The following MAEL variants were observed in gnomAD, a reference collection of about 807,000 sequenced individuals.
MAEL encodes the protein protein maelstrom homolog.
A neutral mutation model predicts 62.0 loss-of-function variants in MAEL; 46 were observed. The ratio of observed to expected loss-of-function variants is 0.74; its 90% CI spans 0.59 to 0.95. MAEL has a LOEUF of 0.95. Ranked by LOEUF, MAEL falls within the 40% of genes least tolerant of loss-of-function variation. The pLI is 0.00. For missense variants in MAEL, 497 were observed against 526.8 expected, an observed-to-expected ratio of 0.94 and a Z score of 0.55; for synonymous variants, 172 against 175.5, an observed-to-expected ratio of 0.98 and a Z score of 0.16.
At chr1:167,006,753 A>G (rs1664930849) in intron 8 of MAEL, among the ~76,000 whole-genome samples, 2 of 150,354 alleles carry the variant, frequency 1.3e-5, no homozygotes, top group African/African-American at 4.9e-5. Flanking sequence ...CTCGTGCCTC[A>G]GCCTCTCGAG....
In MAEL at chr1:166,992,746, A is replaced by T; in HGVS notation, c.386A>T (p.His129Leu). 1 of 1,611,232 alleles carries T rather than the reference A, an allele frequency of 6.2e-7. No homozygotes were observed. Among genetic ancestry groups the T allele is most frequent in the South Asian group, 1.1e-5 (1 of 90,386 alleles). The change falls in exon 4 of 12, where the codon CAT becomes CTT. Residue 129 changes from histidine to leucine, a missense_variant. Physicochemically the swap from His to Leu is moderately conservative, Grantham distance 99 (BLOSUM62 -3). Transcript: ENST00000367872. ...NIFSHGELPPHCEQRFLPCEI... is the reference protein window; with the variant it reads ...NIFSHGELPPLCEQRFLPCEI... ...TTTAGCCATGGCGAGCTACCTCCTC[A>T]TTGTGAACAGCGCTTCCTCCCTTGT...
intron 2 of MAEL, 149 bp from the exon 3 acceptor site, chr1:166,991,228 GT>G: frequency 1.6e-6 from 1 of 610,004 alleles, no homozygotes; most frequent in Non-Finnish European, 3.0e-6. Flanking sequence ...GCCTTTGGGT[GT>G]TGGTATTATT....
rs750894558 is a variant in MAEL at position 167,016,371 on chromosome 1, G to A, written c.908+87G>A. 4.1e-5 allele frequency: 51 copies of A among 1,245,022 alleles called. No individual in the cohort carries two copies. In the Middle Eastern group the frequency reaches 5.7e-4, roughly 14 times the overall value. The allele number at this position is 1,245,022 out of a possible 1,614,324, so 77.1% of individuals were successfully genotyped here. A position where few individuals can be genotyped will look rare whatever the true frequency, so the allele number is the denominator to read the frequency against. ...TTTGCTTGCTATAGCTTTGGCAATC[G>A]GGGTAACTCTGTTTCCACAATGCTC... is the stretch of plus-strand genomic sequence containing the variant. On this transcript the variant is annotated intron_variant, in intron 9 of 11. Coordinates refer to ENST00000367872, the MANE Select transcript of MAEL (RefSeq NM_032858.3).
In MAEL at chr1:166,997,075, C is replaced by T. The variant is rs191489393; in HGVS notation, c.523+3006C>T. On this transcript the variant is annotated intron_variant, in intron 5 of 11. Coordinates refer to ENST00000367872, the MANE Select transcript of MAEL (RefSeq NM_032858.3). ...ACTCCTGACCTCATGATCTGCCCGC[C>T]TCGGTCTCCCAAAGTGCTGGGCTTA... is the stretch of plus-strand genomic sequence containing the variant. Among the ~76,000 whole-genome samples, 24 of 152,352 alleles carry T rather than the reference C, an allele frequency of 1.6e-4. No homozygotes were observed. In the East Asian group the frequency reaches 2.7e-3, roughly 17 times the overall value.
chr1:166,994,911 G>A (rs992147136), intron 5 of MAEL, among the ~76,000 whole-genome samples: 17 of 149,394 alleles, frequency 1.1e-4, no homozygotes, highest in Admixed American at 1.0e-3. Flanking sequence ...CTTGTGATCC[G>A]CCCACATCGG....
intron 2 of MAEL, 66 bp downstream of exon 2, chr1:166,989,895 G>A (rs2102067728): frequency 1.7e-6 from 2 of 1,178,314 alleles, no homozygotes; most frequent in South Asian, 1.4e-5. Flanking sequence ...AAGGCTGGAT[G>A]AGTGAATGAG....
At chr1:167,014,336 T>C (rs1665289552) in intron 8 of MAEL, among the ~76,000 whole-genome samples, 2 of 152,216 alleles carry the variant, frequency 1.3e-5, no homozygotes, top group African/African-American at 4.8e-5. Context: ...TTAGAATAGT[T>C]TTTCTTAGTC....
At chr1:166,995,429 G>A (rs1032690001) in intron 5 of MAEL, among the ~76,000 whole-genome samples, 5 of 151,942 alleles carry the variant, frequency 3.3e-5, no homozygotes, top group African/African-American at 1.2e-4. Flanking sequence ...TGTAGAGCGG[G>A]GGTTTCTCCA....
intron 4 of MAEL, among the ~76,000 whole-genome samples, chr1:166,993,756 T>C (rs1664291084): frequency 6.6e-6 from 1 of 152,196 alleles, no homozygotes; most frequent in Non-Finnish European, 1.5e-5. Context: ...GACGTGGAGC[T>C]AAGACTCTTT....
chr1:167,016,342 C>A, intron 9 of MAEL, 58 bp downstream of exon 9: 1 of 1,537,202 alleles, frequency 6.5e-7, no homozygotes, highest in Non-Finnish European at 9.0e-7. Flanking sequence ...TTATTCTGTG[C>A]CGTTTTGCTT....
intron 6 of MAEL, among the ~76,000 whole-genome samples, chr1:167,004,673 C>T (rs1407549186): frequency 6.6e-6 from 1 of 152,002 alleles, no homozygotes; most frequent in African/African-American, 2.4e-5. Context: ...TGTAGCAATC[C>T]CTTCCTTCTT....
At chr1:166,978,888 C>T (rs1436213733) in intron 1 of MAEL, among the ~76,000 whole-genome samples, 2 of 152,166 alleles carry the variant, frequency 1.3e-5, no homozygotes, top group Admixed American at 6.5e-5. Flanking sequence ...ACAACAATGA[C>T]CTGTATGGGA....
At chr1:166,983,224 A>G (rs745973496) in intron 1 of MAEL, among the ~76,000 whole-genome samples, 11 of 152,156 alleles carry the variant, frequency 7.2e-5, no homozygotes, top group Non-Finnish European at 1.6e-4. Flanking sequence ...TATTGAATAA[A>G]TGAACCACTT....
chr1:166,994,178 T>C, intron 5 of MAEL, 109 bp downstream of exon 5: 1 of 1,033,850 alleles, frequency 9.7e-7, no homozygotes, highest in Non-Finnish European at 1.4e-6. Context: ...TAACTTTAGG[T>C]TATTGTTAGA....
intron 8 of MAEL, among the ~76,000 whole-genome samples, chr1:167,006,230 C>G (rs1388967655): frequency 6.6e-6 from 1 of 152,052 alleles, no homozygotes; most frequent in Non-Finnish European, 1.5e-5. Flanking sequence ...TCCACTGTGT[C>G]TTTTACAGCC....
intron 8 of MAEL, among the ~76,000 whole-genome samples, chr1:167,015,449 A>G (rs1665351211): frequency 6.6e-6 from 1 of 152,200 alleles, no homozygotes; most frequent in African/African-American, 2.4e-5. Context: ...TATAATTTTA[A>G]ATGAAGACTT....
chr1:167,013,272 C>T (rs1055574095), intron 8 of MAEL, among the ~76,000 whole-genome samples: 5 of 152,172 alleles, frequency 3.3e-5, no homozygotes, highest in African/African-American at 1.2e-4. Flanking sequence ...TGATGGACCT[C>T]ACAGCACGTA....
Position 166,989,319 on chromosome 1 carries a change from T to C in MAEL, c.-34T>C, listed in dbSNP as rs766093776. On this transcript the variant is annotated 5_prime_UTR_variant, in exon 1 of 12. Coordinates refer to ENST00000367872, the MANE Select transcript of MAEL (RefSeq NM_032858.3). ...CCCGGCGAGGGCGCCGGTGCTTTGT[T>C]CTGTCTGAGGCCAGGAAGTTTGACC... 1.2e-6 allele frequency: 2 copies of C among 1,600,036 alleles called. No individual in the cohort carries two copies. Among genetic ancestry groups the C allele is most frequent in the East Asian group, 2.3e-5 (1 of 44,398 alleles).
intron 2 of MAEL, 55 bp from the exon 3 acceptor site, chr1:166,991,323 G>C: frequency 1.8e-6 from 2 of 1,084,180 alleles, no homozygotes; most frequent in Non-Finnish European, 2.8e-6. Flanking sequence ...TTTAATGTAT[G>C]GTCTAAAAGT....
Sources: gnomAD v4.1 joint callset for allele counts (sites outside exome capture counted in the v4.1 genomes callset) on GRCh38, gnomAD v4.1.1 for gene constraint, MANE v1.5 for transcripts, NCBI Gene and HGNC (gene_info 2026-07-23, HGNC 2026-07-21) for gene names.